The following AGAP3 variants were observed in gnomAD, a reference collection of about 807,000 sequenced individuals.
The protein encoded by AGAP3 is arf-GAP with GTPase, ANK repeat and PH domain-containing protein 3.
AGAP3 carries 24 observed loss-of-function variants against 96.9 expected under a neutral mutation model. That is an observed-to-expected ratio of 0.25 (90% confidence interval 0.18 to 0.35). The LOEUF (loss-of-function observed/expected upper bound fraction) is 0.35, where lower values mean the gene tolerates loss of function less well. Among genes scored for constraint, AGAP3 ranks in the 10% least tolerant of loss-of-function variants. AGAP3 has a pLI of 1.00. For missense variants in AGAP3, 876 were observed against 1,254.2 expected, an observed-to-expected ratio of 0.70 and a Z score of 4.55; for synonymous variants, 563 against 536.1, an observed-to-expected ratio of 1.05 and a Z score of -0.69.
intron 8 of AGAP3, chr7:151,120,375 C>A: frequency 1.5e-6 from 1 of 655,372 alleles, no homozygotes; most frequent in Non-Finnish European, 2.7e-6. Context: ...TTACCCTGTC[C>A]CCACAGTCCT....
rs541614248 is a variant in AGAP3 at position 151,143,195 on chromosome 7, C to A, written c.2274-146C>A. On this transcript the variant is annotated intron_variant, in intron 16 of 17. Transcript: ENST00000397238. This position sits in a 1 kb window ranked among gnomAD's most constrained non-coding sequence, Gnocchi z 5.9. ...TGCCTGGAGTTTCCAAGGCTTCTCT[C>A]CTTCCTTTTTGCTCCATCTCATCTT... is the stretch of plus-strand genomic sequence containing the variant. 34 of 985,832 alleles carry A rather than the reference C, an allele frequency of 3.4e-5. No individual in the cohort carries two copies. The East Asian group carries it at 8.1e-4, about 23-fold the overall frequency. 61.1% of individuals were successfully genotyped at this position (985,832 alleles called of 1,614,324 possible).
In AGAP3 at chr7:151,128,563, C is replaced by T. The variant is rs746909858; in HGVS notation, c.1222-17C>T. On this transcript the variant is annotated splice_polypyrimidine_tract_variant and intron_variant, in intron 9 of 17. Coordinates refer to ENST00000397238, the MANE Select transcript of AGAP3 (RefSeq NM_031946.7). ...AGGGGGCTGGCTCCTGGTTTCTGAT[C>T]AGACCTCTGTTCTCAGGGGATCCTG... is the stretch of plus-strand genomic sequence containing the variant. 2 of 1,611,542 alleles carry T rather than the reference C, an allele frequency of 1.2e-6. No homozygotes were observed. Among genetic ancestry groups the T allele is most frequent in the South Asian group, 1.1e-5 (1 of 91,018 alleles).
rs1304235349 is a variant in AGAP3, at chr7:151,086,570, GC to G, written c.-170del. Among the ~76,000 whole-genome samples, 3 of 147,200 alleles carry G rather than the reference GC, an allele frequency of 2.0e-5. No individual in the cohort carries two copies. Among genetic ancestry groups the G allele is most frequent in the Non-Finnish European group, 3.0e-5 (2 of 66,028 alleles). On this transcript the variant is annotated 5_prime_UTR_variant, in exon 1 of 18. Coordinates refer to ENST00000397238, the MANE Select transcript of AGAP3 (RefSeq NM_031946.7). ...ACAGCGTGCGCGGCGGCGCCTCCTG[GC>G]CTCGGCCTCCGGCCCCCGGCCCCCG...
At chr7:151,126,480 G>A (rs776705427) in intron 9 of AGAP3, among the ~76,000 whole-genome samples, 1 of 151,668 alleles carries the variant, frequency 6.6e-6, no homozygotes, top group African/African-American at 2.4e-5. Context: ...CACGCCTAGT[G>A]GGGTGAGGGG....
chr7:151,132,108 G>A (rs370339328), intron 10 of AGAP3, among the ~76,000 whole-genome samples: 16 of 152,210 alleles, frequency 1.1e-4, no homozygotes, highest in Admixed American at 7.2e-4. Context: ...ACAGAGGGCC[G>A]GCGGGGCCAG....
intron 1 of AGAP3, among the ~76,000 whole-genome samples, chr7:151,100,547 C>T (rs1798796488): frequency 1.3e-5 from 2 of 152,206 alleles, no homozygotes; most frequent in Admixed American, 6.5e-5. Flanking sequence ...AAAATTAAGG[C>T]CGGGCCGGGC....
chr7:151,128,815 C>A, intron 10 of AGAP3, 131 bp downstream of exon 10: 1 of 779,550 alleles, frequency 1.3e-6, no homozygotes, highest in Non-Finnish European at 2.1e-6. Flanking sequence ...TGGCTCATCC[C>A]TGGAGAAGGA....
At chr7:151,111,676 C>T (rs1799292645) in intron 1 of AGAP3, among the ~76,000 whole-genome samples, 1 of 152,186 alleles carries the variant, frequency 6.6e-6, no homozygotes, top group South Asian at 2.1e-4. Context: ...TCCTGACATC[C>T]AGGTAGTCCA....
At chr7:151,132,352 C>A (rs1446167346) in intron 10 of AGAP3, among the ~76,000 whole-genome samples, 1 of 152,244 alleles carries the variant, frequency 6.6e-6, no homozygotes, top group African/African-American at 2.4e-5. Flanking sequence ...ATGAACAAGA[C>A]TTTAGCACAT....
At chr7:151,090,739 C>T (rs569753890) in intron 1 of AGAP3, among the ~76,000 whole-genome samples, 2 of 152,076 alleles carry the variant, frequency 1.3e-5, no homozygotes, top group African/African-American at 4.8e-5. Flanking sequence ...GTCAGGAGAT[C>T]GAGACCATCC....
intron 11 of AGAP3, chr7:151,137,691 A>G (rs1800655681): frequency 6.1e-6 from 1 of 162,732 alleles, no homozygotes; most frequent in South Asian, 2.0e-4. Context: ...TACTAATTAG[A>G]CATAATTACT....
chr7:151,089,406 T>C (rs906435814), intron 1 of AGAP3, among the ~76,000 whole-genome samples: 3 of 151,424 alleles, frequency 2.0e-5, no homozygotes, highest in Non-Finnish European at 4.4e-5. Context: ...ATAAACACAG[T>C]GTCAGCTGGG....
intron 1 of AGAP3, among the ~76,000 whole-genome samples, chr7:151,100,750 G>A (rs918750878): frequency 3.9e-5 from 6 of 152,212 alleles, no homozygotes; most frequent in South Asian, 2.1e-4. Context: ...GCTGAGGTGC[G>A]AGGATCGCCT....
At chr7:151,126,272 C>A (rs905354725) in intron 9 of AGAP3, among the ~76,000 whole-genome samples, 2 of 151,718 alleles carry the variant, frequency 1.3e-5, no homozygotes, top group Admixed American at 6.5e-5. Flanking sequence ...GAGACCCCTT[C>A]CCGCCCTGAC....
chr7:151,126,168 G>C (rs1470173835), intron 9 of AGAP3, among the ~76,000 whole-genome samples: 1 of 151,892 alleles, frequency 6.6e-6, no homozygotes, highest in African/African-American at 2.4e-5. Flanking sequence ...TGCCGAGGAC[G>C]GGGGCGTTCA....
chr7:151,115,101 C>T (rs1182616301), intron 1 of AGAP3: 3 of 1,029,342 alleles, frequency 2.9e-6, no homozygotes, highest in Non-Finnish European at 3.5e-6. Context: ...GCCGACCCGG[C>T]GCAGCCGCAC....
chr7:151,132,410 G>A (rs1490888071), intron 10 of AGAP3, among the ~76,000 whole-genome samples: 1 of 152,218 alleles, frequency 6.6e-6, no homozygotes, highest in Non-Finnish European at 1.5e-5. Context: ...GAGGACTGGG[G>A]TGGCAGGAGG....
At position 151,120,291 on chromosome 7, in the gene AGAP3, G is replaced by A. The variant is rs946754414; in HGVS notation, c.1128+146G>A. ...TCTCCCTCAGATACACACGGCTCCC[G>A]AGGGTCCTTGCCGGTGCCCTCAGAG... On this transcript the variant is annotated intron_variant, in intron 8 of 17. Coordinates refer to ENST00000397238, the MANE Select transcript of AGAP3 (RefSeq NM_031946.7). The A allele has an allele frequency of 3.0e-5, 27 of 903,532 alleles. No individual in the cohort carries two copies. The East Asian group carries it at 5.3e-4, about 18-fold the overall frequency. 56.0% of individuals were successfully genotyped at this position (903,532 alleles called of 1,614,324 possible).
chr7:151,116,535 C>T, intron 1 of AGAP3: 1 of 543,266 alleles, frequency 1.8e-6, no homozygotes, highest in South Asian at 2.4e-5. Context: ...GGAGGAAGGA[C>T]ACAGGGCCGA....
Sources: gnomAD v4.1 joint callset for allele counts (sites outside exome capture counted in the v4.1 genomes callset) on GRCh38, gnomAD v4.1.1 for gene constraint, Gnocchi (gnomAD v3.1) non-coding constraint, MANE v1.5 for transcripts, NCBI Gene and HGNC (gene_info 2026-07-23, HGNC 2026-07-21) for gene names.